The following NECAP1 variants were observed in gnomAD, a reference collection of about 807,000 sequenced individuals.
NECAP1 encodes the protein NECAP endocytosis associated 1.
A neutral mutation model predicts 33.4 loss-of-function variants in NECAP1; 13 were observed. That is an observed-to-expected ratio of 0.39 (90% CI 0.25 to 0.62). The LOEUF is 0.62. NECAP1 is among the 20% of genes least tolerant of loss of function. The probability of loss-of-function intolerance (pLI) is 0.52; values close to 1 mark genes in which losing one functional copy is unlikely to be tolerated. For synonymous variants in NECAP1, 109 were observed against 125.2 expected, an observed-to-expected ratio of 0.87 and a Z score of 0.86; for missense variants, 272 against 347.4, an observed-to-expected ratio of 0.78 and a Z score of 1.73.
intron 1 of NECAP1, among the ~76,000 whole-genome samples, chr12:8,086,427 A>G (rs188450790): frequency 2.6e-5 from 4 of 152,116 alleles, no homozygotes; most frequent in Non-Finnish European, 5.9e-5. Flanking sequence ...AGCCTGGCCA[A>G]CATGGTGAAA....
rs1439904372 is a variant in NECAP1 at position 8,093,146 on chromosome 12, T to C, written c.676+91T>C. On this transcript the variant is annotated intron_variant, in intron 6 of 7. Transcript: ENST00000339754. ...TCAAGGAGAGTTAATGTTTTTGCTA[T>C]GAAATAGCTCATGGTACTGACAAGG... 4 of 1,312,842 alleles carry C rather than the reference T, an allele frequency of 3.0e-6. No individual in the cohort carries two copies. The African/African-American group carries it at 5.8e-5, about 19-fold the overall frequency. 81.3% of individuals were successfully genotyped at this position (1,312,842 alleles called of 1,614,324 possible).
chr12:8,087,676 G>A (rs935954264), intron 1 of NECAP1, among the ~76,000 whole-genome samples: 5 of 151,816 alleles, frequency 3.3e-5, no homozygotes, highest in Admixed American at 2.0e-4. Flanking sequence ...CGTGAGCCAC[G>A]GTGCCTGGCT....
Position 8,093,073 on chromosome 12 carries a change from A to G in NECAP1, c.676+18A>G, listed in dbSNP as rs1947564278. 1 of 1,606,132 alleles carries G rather than the reference A, an allele frequency of 6.2e-7. No homozygotes were observed. The highest frequency in any genetic ancestry group is 8.5e-7 in the Non-Finnish European group (1 of 1,173,612). The stretch of plus-strand genomic sequence containing the variant: ...TGATGCAGGTAAATCTAGTACTTCT[A>G]ATTTTGAGAAATCCAATCTTATGTT... On this transcript the variant is annotated intron_variant, in intron 6 of 7. Transcript: ENST00000339754.
intron 7 of NECAP1, 43 bp from the exon 8 acceptor site, chr12:8,095,999 C>A (rs1382946209): frequency 2.5e-6 from 4 of 1,606,828 alleles, no homozygotes; most frequent in Non-Finnish European, 3.4e-6. Context: ...AGTTGTTATC[C>A]TAATATTATG....
chr12:8,093,027 G>T lies in NECAP1; in HGVS notation c.648G>T (p.Pro216=), dbSNP rs370869772. 24 of 1,613,850 alleles carry T rather than the reference G, an allele frequency of 1.5e-5. No homozygotes were observed. The Admixed American group carries it at 1.7e-4, about 11-fold the overall frequency. ...ISNHVTPPPI[P]KSNHGGSDAD... is the part of the protein sequence containing the mutation. ...ATCATGTCACCCCACCACCCATTCC[G>T]AAATCTAACCATGGAGGCAGTGATG... is the stretch of plus-strand genomic sequence containing the variant. Residue 216 remains proline, a synonymous_variant, in exon 6 of 8, where the codon CCG becomes CCT. Coordinates refer to ENST00000339754, the MANE Select transcript of NECAP1 (RefSeq NM_015509.4).
intron 4 of NECAP1, 138 bp downstream of exon 4, chr12:8,091,988 C>T (rs144622788): frequency 1.3e-6 from 1 of 762,050 alleles, no homozygotes; most frequent in Non-Finnish European, 2.1e-6. Context: ...TCTCCCCATT[C>T]ACTTTTGTTT....
At chr12:8,083,857 A>G (rs984061382) in intron 1 of NECAP1, among the ~76,000 whole-genome samples, 5 of 150,508 alleles carry the variant, frequency 3.3e-5, no homozygotes, top group Admixed American at 2.7e-4. Context: ...CTCCTACCTC[A>G]GCCTCCCAAG....
At chr12:8,088,259 A>G (rs1947509897) in intron 1 of NECAP1, among the ~76,000 whole-genome samples, 1 of 152,146 alleles carries the variant, frequency 6.6e-6, no homozygotes, top group South Asian at 2.1e-4. Context: ...AAAATCTACT[A>G]GACATCTCAA....
rs1243199956 is a variant in NECAP1, at chr12:8,092,003, A to C, written c.383+153A>C. 7 of 674,462 alleles carry C rather than the reference A, an allele frequency of 1.0e-5. No individual in the cohort carries two copies. In the Middle Eastern group the frequency reaches 9.2e-4, roughly 89 times the overall value. The allele number at this position is 674,462 out of a possible 1,614,324, so 41.8% of individuals were successfully genotyped here. ...TCTCCCCATTCACTTTTGTTTCCTT[A>C]GGTCATCTTTGTATCTATTCTGTTT... On this transcript the variant is annotated intron_variant, in intron 4 of 7. Coordinates refer to ENST00000339754, the MANE Select transcript of NECAP1 (RefSeq NM_015509.4).
intron 1 of NECAP1, among the ~76,000 whole-genome samples, chr12:8,086,928 TACACACACACACACACAC>T (rs140539415): frequency 3.5e-5 from 5 of 143,750 alleles, no homozygotes; most frequent in Admixed American, 2.1e-4. Context: ...GAGACTCTAT[TACACACACACACACACAC>T]ACACACACAC....
rs767823872 is a variant in NECAP1 at position 8,090,130 on chromosome 12, C to A, written c.197-65C>A. 8.8e-6 allele frequency: 14 copies of A among 1,584,108 alleles called. 1 individual carries two copies. In the Middle Eastern group the frequency reaches 1.2e-3, roughly 131 times the overall value. On this transcript the variant is annotated intron_variant, in intron 2 of 7. Coordinates refer to ENST00000339754, the MANE Select transcript of NECAP1 (RefSeq NM_015509.4). ...TTTGGGGACTGGAATGGAAATACTACTTGTTAATTGGGGTTCTGGATTTTG... is the reference window on the plus strand; with the variant it reads ...TTTGGGGACTGGAATGGAAATACTAATTGTTAATTGGGGTTCTGGATTTTG...
Position 8,090,281 on chromosome 12 carries a change from C to T in NECAP1, c.283C>T (p.Arg95Trp), listed in dbSNP as rs757319158. The stretch of plus-strand genomic sequence containing the variant: ...AGATTCTAGCCGCTACTTTGTAATC[C>T]GGATCCAGGATGGTACTGGTAAGAG... Reference protein sequence around the residue: ...VTDSSRYFVIRIQDGTGRSAF... With the variant: ...VTDSSRYFVIWIQDGTGRSAF... The change falls in exon 3 of 8, where the codon CGG becomes TGG. Residue 95 changes from arginine to tryptophan, a missense_variant. Physicochemically the swap from Arg to Trp is moderately radical, Grantham distance 101. Coordinates refer to ENST00000339754, the MANE Select transcript of NECAP1 (RefSeq NM_015509.4). The T allele has an allele frequency of 8.1e-6, 13 of 1,613,976 alleles. No individual in the cohort carries two copies. The highest frequency in any genetic ancestry group is 1.7e-5 in the Admixed American group (1 of 59,990).
At chr12:8,091,180 G>A (rs1303328154) in intron 3 of NECAP1, 1 of 153,646 alleles carries the variant, frequency 6.5e-6, no homozygotes, top group Non-Finnish European at 1.4e-5. Flanking sequence ...GTCTAGTTAG[G>A]GTGACTGTTA....
At chr12:8,090,577 G>A (rs192882638) in intron 3 of NECAP1, 32 of 312,194 alleles carry the variant, frequency 1.0e-4, no homozygotes, top group Non-Finnish European at 8.0e-5. Flanking sequence ...AGGAGGCCGA[G>A]GTGGGTGGAT....
At position 8,096,033 on chromosome 12, in the gene NECAP1, G is replaced by A; in HGVS notation, c.780-9G>A. ...TGTCTCTGGCTTTCTCTGTTCTCCTGTCTTGCAGCTCTGTTCCAAACCAGG... is the reference window on the plus strand; with the variant it reads ...TGTCTCTGGCTTTCTCTGTTCTCCTATCTTGCAGCTCTGTTCCAAACCAGG... On this transcript the variant is annotated splice_polypyrimidine_tract_variant and intron_variant, in intron 7 of 7. Coordinates refer to ENST00000339754, the MANE Select transcript of NECAP1 (RefSeq NM_015509.4). 1 of 1,614,078 alleles carries A rather than the reference G, an allele frequency of 6.2e-7. No homozygotes were observed. Among genetic ancestry groups the A allele is most frequent in the Non-Finnish European group, 8.5e-7 (1 of 1,179,978 alleles).
chr12:8,085,181 A>G (rs4595620), intron 1 of NECAP1, among the ~76,000 whole-genome samples: 151,565 of 152,314 alleles, frequency 1, 75,412 homozygotes, highest in Middle Eastern at 1. Context: ...CACTATGCCC[A>G]GCTAATTTTT....
At chr12:8,086,539 G>A (rs747089375) in intron 1 of NECAP1, among the ~76,000 whole-genome samples, 4 of 152,096 alleles carry the variant, frequency 2.6e-5, no homozygotes, top group Non-Finnish European at 5.9e-5. Context: ...GTTTGAACCC[G>A]GGAGGCGGAG....
intron 1 of NECAP1, chr12:8,088,759 C>A (rs899005629): frequency 5.9e-5 from 9 of 152,228 alleles, no homozygotes; most frequent in African/African-American, 2.2e-4. Flanking sequence ...TGTTACCTCT[C>A]CCACCTTGTC....
rs11043334 is a variant in NECAP1 at position 8,091,875 on chromosome 12, C to T, written c.383+25C>T. On this transcript the variant is annotated intron_variant, in intron 4 of 7. Transcript: ENST00000339754. ...AGTGAGTGAAGCTTGTCCTTAGTTA[C>T]GAGGCTGAATGCTTATAGGAATGCT... 4.8e-4 allele frequency: 760 copies of T among 1,592,910 alleles called. 1 individual carries two copies. In the East Asian group the frequency reaches 0.014, roughly 28 times the overall value.
Sources: gnomAD v4.1 joint callset for allele counts (sites outside exome capture counted in the v4.1 genomes callset) on GRCh38, gnomAD v4.1.1 for gene constraint, MANE v1.5 for transcripts, NCBI Gene and HGNC (gene_info 2026-07-23, HGNC 2026-07-21) for gene names.